Variants in AQP6 observed in about 807,000 individuals in gnomAD.
AQP6 encodes aquaporin-6.
In AQP6, 14 loss-of-function variants were observed where a neutral mutation model predicts 16.3. The observed-to-expected ratio is 0.86, with a 90% CI of 0.57 to 1.34. AQP6 has a LOEUF of 1.34. Among genes scored for constraint, AQP6 ranks in the 40% most tolerant of loss-of-function variants. AQP6 has a pLI of 0.00. For synonymous variants in AQP6, 178 were observed against 166.8 expected, an observed-to-expected ratio of 1.07 and a Z score of -0.52; for missense variants, 331 against 379.7, an observed-to-expected ratio of 0.87 and a Z score of 1.07.
At chr12:49,974,030 C>T in intron 1 of AQP6, 3 of 1,198,602 alleles carry the variant, frequency 2.5e-6, no homozygotes, top group Non-Finnish European at 3.1e-6. Flanking sequence ...CACCTTCTTC[C>T]CCCAAATCTC....
Position 49,975,864 on chromosome 12 carries a change from T to A in AQP6, c.*193T>A. The stretch of plus-strand genomic sequence containing the variant: ...GTGAATTTGTCCCATTCCCTCTCTG[T>A]AGGGCTTCCCCACCTCTCGGTGGGA... On this transcript the variant is annotated 3_prime_UTR_variant, in exon 4 of 4. Coordinates refer to ENST00000315520, the MANE Select transcript of AQP6 (RefSeq NM_001652.4). This position sits in a 1 kb window ranked among gnomAD's most constrained non-coding sequence, Gnocchi z 4.4. 1.5e-6 allele frequency: 1 copy of A among 680,202 alleles called. No homozygotes were observed. Among genetic ancestry groups the A allele is most frequent in the Non-Finnish European group, 2.2e-6 (1 of 460,904 alleles). 42.1% of individuals were successfully genotyped at this position (680,202 alleles called of 1,614,324 possible).
Sources: gnomAD v4.1 joint callset for allele counts on GRCh38, gnomAD v4.1.1 for gene constraint, Gnocchi (gnomAD v3.1) non-coding constraint, MANE v1.5 for transcripts, NCBI Gene and HGNC (gene_info 2026-07-23, HGNC 2026-07-21) for gene names.